Variants in QSOX1 observed in about 807,000 individuals in gnomAD.
QSOX1 encodes the protein quiescin sulfhydryl oxidase 1.
QSOX1 carries 40 observed loss-of-function variants against 76.1 expected under a neutral mutation model. That is an observed-to-expected ratio of 0.53 (90% CI 0.41 to 0.68). The LOEUF (loss-of-function observed/expected upper bound fraction) is 0.68, where lower values mean the gene tolerates loss of function less well. Among genes scored for constraint, QSOX1 ranks in the 30% least tolerant of loss-of-function variants. QSOX1 has a pLI of 0.00. For synonymous variants in QSOX1, 392 were observed against 413.1 expected (o/e 0.95, Z 0.62); for missense variants, 931 against 974.3 (o/e 0.96, Z 0.59).
chr1:180,174,640 ACAG>A (rs1662839951), intron 2 of QSOX1, among the ~76,000 whole-genome samples: 2 of 152,314 alleles, frequency 1.3e-5, no homozygotes, highest in Non-Finnish European at 2.9e-5. Flanking sequence ...GCAAAGGAAA[ACAG>A]CAGTGGTACT....
chr1:180,173,836 T>C (rs988531527), intron 2 of QSOX1, among the ~76,000 whole-genome samples: 15 of 152,224 alleles, frequency 9.9e-5, no homozygotes, highest in Non-Finnish European at 1.3e-4. Context: ...CTAAGCACTT[T>C]AGATGTATGG....
At chr1:180,185,233 G>A (rs1177684668) in intron 7 of QSOX1, among the ~76,000 whole-genome samples, 1 of 150,028 alleles carries the variant, frequency 6.7e-6, no homozygotes, top group Admixed American at 6.6e-5. Flanking sequence ...GGAGGGGTCA[G>A]GAGCAAGTCA....
rs1435250951 is a variant in QSOX1, at chr1:180,198,225, T to A, written c.*1188T>A. The A allele has an allele frequency of 2.2e-6, 1 of 456,700 alleles. No homozygotes were observed. The highest frequency in any genetic ancestry group is 2.3e-5 in the Admixed American group (1 of 42,580). The allele number at this position is 456,700 out of a possible 1,614,324, so 28.3% of individuals were successfully genotyped here. A position where few individuals can be genotyped will look rare whatever the true frequency, so the allele number is the denominator to read the frequency against. On this transcript the variant is annotated 3_prime_UTR_variant, in exon 12 of 12. Transcript: ENST00000367602. ...GCCTTTTCATGCACGGAGACAGGCC[T>A]CTGGATGTGCAGCCTTGCCACCCCC... is the stretch of plus-strand genomic sequence containing the variant.
chr1:180,196,541 C>T lies in QSOX1; in HGVS notation c.1748C>T (p.Pro583Leu). The T allele has an allele frequency of 6.2e-7, 1 of 1,614,178 alleles. No homozygotes were observed. The highest frequency in any genetic ancestry group is 8.5e-7 in the Non-Finnish European group (1 of 1,180,040). The change falls in exon 12 of 12, where the codon CCT (proline) becomes CTT (leucine). Residue 583 changes from proline to leucine, a missense_variant. Pro to Leu is a moderately conservative substitution (Grantham distance 98). Transcript: ENST00000367602. The surrounding 1 kb of genome is among the most constrained non-coding windows in gnomAD (Gnocchi z 4.1). Reference protein sequence around the residue: ...SRNSTLDPGKPEMMKSPTNTT... With the variant: ...SRNSTLDPGKLEMMKSPTNTT... ...AATTCAACTCTGGACCCTGGGAAGC[C>T]TGAGATGATGAAGTCCCCCACAAAC...
In QSOX1 at chr1:180,201,445, C is replaced by T. The variant is rs1278556711; in HGVS notation, c.*4408C>T. The T allele has an allele frequency of 6.6e-6, 1 of 152,314 alleles. No individual in the cohort carries two copies. The allele number at this position is 152,314 out of a possible 1,614,324, so 9.4% of individuals were successfully genotyped here. On this transcript the variant is annotated 3_prime_UTR_variant, in exon 12 of 12. Coordinates refer to ENST00000367602, the MANE Select transcript of QSOX1 (RefSeq NM_002826.5). ...GGGCCCAGTATCCTTCCACAGCATC[C>T]CTCCTCTTCCCCTTCAACACCCCTT...
At position 180,183,959 on chromosome 1, in the gene QSOX1, C is replaced by T. The variant is rs1255225250; in HGVS notation, c.796C>T (p.Leu266Phe). 6 of 1,613,680 alleles carry T rather than the reference C, an allele frequency of 3.7e-6. No homozygotes were observed. Among genetic ancestry groups the T allele is most frequent in the African/African-American group, 2.7e-5 (2 of 74,926 alleles). ...CTTCTATACCGCTTACCTGCAGAGA[C>T]TCTCTGGGCTCACCAGGGAGGCTGC... ...RSFYTAYLQR[L>F]SGLTREAAQT... is the part of the protein sequence containing the mutation. Residue 266 changes from leucine (L) to phenylalanine (F), a missense_variant, in exon 7 of 12, where the codon CTC becomes TTC. Transcript: ENST00000367602.
chr1:180,167,536 C>CA (rs1662661798), intron 2 of QSOX1, among the ~76,000 whole-genome samples: 1 of 152,158 alleles, frequency 6.6e-6, no homozygotes, highest in Non-Finnish European at 1.5e-5. Context: ...AGCATCCATC[C>CA]GGGAAGTAAG....
At chr1:180,166,379 TG>T in intron 1 of QSOX1, 111 bp from the exon 2 acceptor site, 1 of 783,440 alleles carries the variant, frequency 1.3e-6, no homozygotes, top group Admixed American at 2.1e-5. Flanking sequence ...ATAAGAGCTT[TG>T]GGATCAGGTG....
Position 180,190,541 on chromosome 1 carries a change from C to G in QSOX1, c.1249C>G (p.Gln417Glu). ...LWVLFHFLTV[Q>E]AARQNVDHSQ... Reference sequence around the variant, plus strand: ...GGTCCTCTTCCACTTCTTGACTGTGCAGGCAGCTCGGCAAAATGTAGACCA... The same window carrying G: ...GGTCCTCTTCCACTTCTTGACTGTGGAGGCAGCTCGGCAAAATGTAGACCA... Residue 417 changes from glutamine to glutamate, a missense_variant, in exon 10 of 12, where the codon CAG becomes GAG. Coordinates refer to ENST00000367602, the MANE Select transcript of QSOX1 (RefSeq NM_002826.5). The G allele has an allele frequency of 6.2e-7, 1 of 1,614,152 alleles. No individual in the cohort carries two copies. Among genetic ancestry groups the G allele is most frequent in the Non-Finnish European group, 8.5e-7 (1 of 1,180,014 alleles).
At position 180,163,133 on chromosome 1, in the gene QSOX1, CA is replaced by C. The variant is rs35476222; in HGVS notation, c.266-3345del. Among the ~76,000 whole-genome samples the C allele has an allele frequency of 0.023, 3,284 of 140,192 alleles. 171 individuals carry two copies. The East Asian group carries it at 0.24, about 10-fold the overall frequency. The allele number at this position is 140,192 out of a possible 152,430, so 92.0% of individuals were successfully genotyped here. ...GTGTACTTTTGATATTAAGGCTCAT[CA>C]AAAAAAAAAAAACACAAAAACTATA... On this transcript the variant is annotated intron_variant, in intron 1 of 11. Coordinates refer to ENST00000367602, the MANE Select transcript of QSOX1 (RefSeq NM_002826.5).
At chr1:180,193,495 A>C (rs1315176254) in intron 10 of QSOX1, among the ~76,000 whole-genome samples, 1 of 151,944 alleles carries the variant, frequency 6.6e-6, no homozygotes, top group East Asian at 1.9e-4. Flanking sequence ...ATTGGCTTCT[A>C]AAGGCCTGGG....
At chr1:180,191,327 T>G (rs1050949192) in intron 10 of QSOX1, among the ~76,000 whole-genome samples, 1 of 151,890 alleles carries the variant, frequency 6.6e-6, no homozygotes, top group Non-Finnish European at 1.5e-5. Context: ...GAGAAAGATG[T>G]GGGGTGAAGA....
intron 1 of QSOX1, 119 bp from the exon 2 acceptor site, chr1:180,166,372 A>C: frequency 1.3e-6 from 1 of 746,214 alleles, no homozygotes; most frequent in Non-Finnish European, 2.3e-6. Context: ...CTTTGTCATA[A>C]GAGCTTTGGG....
intron 1 of QSOX1, among the ~76,000 whole-genome samples, 178 bp from the exon 2 acceptor site, chr1:180,166,313 G>A (rs969326426): frequency 7.2e-5 from 11 of 152,248 alleles, no homozygotes; most frequent in Non-Finnish European, 1.3e-4. Flanking sequence ...CGCTAGAAAT[G>A]CAGACCAACT....
At chr1:180,167,051 T>C (rs1388844097) in intron 2 of QSOX1, among the ~76,000 whole-genome samples, 1 of 152,244 alleles carries the variant, frequency 6.6e-6, no homozygotes, top group Non-Finnish European at 1.5e-5. Flanking sequence ...ACCCAAGGCA[T>C]GAGGGCTTTG....
chr1:180,185,962 C>T, intron 7 of QSOX1, 91 bp from the exon 8 acceptor site: 1 of 1,482,974 alleles, frequency 6.7e-7, no homozygotes, highest in East Asian at 2.3e-5. Flanking sequence ...AGTGCCCCTT[C>T]TCTTCTCTCC....
At chr1:180,165,821 G>C (rs770192289) in intron 1 of QSOX1, among the ~76,000 whole-genome samples, 2 of 152,246 alleles carry the variant, frequency 1.3e-5, no homozygotes, top group South Asian at 4.1e-4. Flanking sequence ...GCCCAGAATG[G>C]TGCCATTATT....
In QSOX1 at chr1:180,200,112, T is replaced by C. The variant is rs1663602258; in HGVS notation, c.*3075T>C. 2 of 152,162 alleles carry C rather than the reference T, an allele frequency of 1.3e-5. No homozygotes were observed. The highest frequency in any genetic ancestry group is 2.9e-5 in the Non-Finnish European group (2 of 68,040). 9.4% of individuals were successfully genotyped at this position (152,162 alleles called of 1,614,324 possible). A position where few individuals can be genotyped will look rare whatever the true frequency, so the allele number is the denominator to read the frequency against. On this transcript the variant is annotated 3_prime_UTR_variant, in exon 12 of 12. Coordinates refer to ENST00000367602, the MANE Select transcript of QSOX1 (RefSeq NM_002826.5). ...GGGTCAAGTCCAGCCTTGAAGAGAA[T>C]GGACTCTGGAATCTGACGTCTGGGT...
chr1:180,174,333 G>A lies in QSOX1; in HGVS notation c.367-988G>A, dbSNP rs892819093. Among the ~76,000 whole-genome samples, 5 of 152,280 alleles carry A rather than the reference G, an allele frequency of 3.3e-5. No homozygotes were observed. The East Asian group carries it at 9.6e-4, about 29-fold the overall frequency. The stretch of plus-strand genomic sequence containing the variant: ...GTCCTCTTGCCCCAAGGAGGTGACA[G>A]ACTAGGCTTGGGGTGTCATGTACAT... On this transcript the variant is annotated intron_variant, in intron 2 of 11. Transcript: ENST00000367602.
Sources: allele counts gnomAD v4.1 joint callset (sites outside exome capture counted in the v4.1 genomes callset), GRCh38; gene constraint gnomAD v4.1.1; non-coding constraint Gnocchi (gnomAD v3.1); transcripts MANE v1.5; gene names NCBI Gene and HGNC (gene_info 2026-07-23, HGNC 2026-07-21).